Variants in SBF2 observed in about 807,000 individuals in gnomAD.
SBF2 encodes the protein SET binding factor 2, also known as myotubularin-related protein 13.
SBF2 carries 112 observed loss-of-function variants against 225.2 expected under a neutral mutation model. That is an observed-to-expected ratio of 0.50 (90% CI 0.43 to 0.58). The LOEUF (loss-of-function observed/expected upper bound fraction) is 0.58, where lower values mean the gene tolerates loss of function less well. Ranked by LOEUF, SBF2 falls within the 20% of genes least tolerant of loss-of-function variation. SBF2 has a pLI of 0.00. For synonymous variants in SBF2, 763 were observed against 773.3 expected (o/e 0.99, Z 0.22); for missense variants, 1,996 against 2,206.2 (o/e 0.90, Z 1.91).
At chr11:9,850,270 T>C (rs1484183570) in intron 21 of SBF2, 52 bp from the exon 22 acceptor site, 1 of 1,561,484 alleles carries the variant, frequency 6.4e-7, no homozygotes, top group South Asian at 1.1e-5. Context: ...TTGATTGATT[T>C]TTGGAGACAG....
At chr11:10,278,102 C>T (rs1400534901) in intron 1 of SBF2, among the ~76,000 whole-genome samples, 1 of 152,172 alleles carries the variant, frequency 6.6e-6, no homozygotes, top group Non-Finnish European at 1.5e-5. Flanking sequence ...AGTTAACAAT[C>T]TTTTTGTTCC....
intron 2 of SBF2, among the ~76,000 whole-genome samples, chr11:10,137,811 A>C (rs1380893665): frequency 2.0e-5 from 3 of 152,082 alleles, no homozygotes; most frequent in Non-Finnish European, 1.5e-5. Flanking sequence ...GTTCAAGACC[A>C]GTCTAGTCAA....
chr11:10,249,216 G>C (rs1461620823), intron 1 of SBF2, among the ~76,000 whole-genome samples: 3 of 151,498 alleles, frequency 2.0e-5, no homozygotes, highest in African/African-American at 4.8e-5. Flanking sequence ...TTTTCTTAAA[G>C]CACGAATCTG....
chr11:10,117,629 C>T (rs1358683227), intron 2 of SBF2, among the ~76,000 whole-genome samples: 1 of 152,050 alleles, frequency 6.6e-6, no homozygotes, highest in Non-Finnish European at 1.5e-5. Flanking sequence ...TGTAAGTTCA[C>T]ATAAATACAA....
chr11:9,976,904 G>C (rs1171757035), intron 13 of SBF2, among the ~76,000 whole-genome samples: 1 of 151,704 alleles, frequency 6.6e-6, no homozygotes, highest in Non-Finnish European at 1.5e-5. Context: ...CGAGTAGCTG[G>C]GACTACACGC....
intron 1 of SBF2, among the ~76,000 whole-genome samples, chr11:10,287,568 G>A (rs1230421399): frequency 3.9e-5 from 6 of 152,090 alleles, no homozygotes; most frequent in African/African-American, 1.4e-4. Flanking sequence ...GAGCCACAGC[G>A]GCCAGCCCTA....
intron 6 of SBF2, among the ~76,000 whole-genome samples, chr11:10,024,077 G>A (rs1035062497): frequency 1.3e-5 from 2 of 152,016 alleles, no homozygotes; most frequent in African/African-American, 4.8e-5. Flanking sequence ...ACCGAATCAT[G>A]CCGTATATAA....
chr11:9,826,933 G>A (rs960497063), intron 28 of SBF2, among the ~76,000 whole-genome samples: 1 of 152,014 alleles, frequency 6.6e-6, no homozygotes, highest in African/African-American at 2.4e-5. Flanking sequence ...TGCCTCCCGG[G>A]TTCAACTGAT....
intron 16 of SBF2, among the ~76,000 whole-genome samples, chr11:9,898,647 G>A (rs1455917756): frequency 6.6e-6 from 1 of 152,088 alleles, no homozygotes; most frequent in East Asian, 1.9e-4. Context: ...CTCCAGCCTG[G>A]GCAACGGAGT....
chr11:9,840,471 A>C (rs1856054554), intron 25 of SBF2, among the ~76,000 whole-genome samples: 1 of 152,266 alleles, frequency 6.6e-6, no homozygotes. Context: ...ATACCATTTA[A>C]ATAATTTCTA....
intron 1 of SBF2, among the ~76,000 whole-genome samples, chr11:10,270,718 G>C (rs1030846518): frequency 6.6e-6 from 1 of 152,118 alleles, no homozygotes; most frequent in East Asian, 1.9e-4. Context: ...ATGAGGACGG[G>C]CGCGGTGGCT....
At chr11:10,196,866 A>ATATATATATATATATATATATTTTT in intron 1 of SBF2, among the ~76,000 whole-genome samples, 16 of 99,280 alleles carry the variant, frequency 1.6e-4, no homozygotes, top group Non-Finnish European at 2.6e-4. Flanking sequence ...ATATATATAT[A>ATATATATATATATATATATATTTTT]TTTTTTTTTT....
chr11:10,136,198 A>G (rs1761860533), intron 2 of SBF2, among the ~76,000 whole-genome samples: 1 of 152,162 alleles, frequency 6.6e-6, no homozygotes, highest in Non-Finnish European at 1.5e-5. Context: ...ACCTGCCTCC[A>G]TGACTCAATT....
intron 2 of SBF2, among the ~76,000 whole-genome samples, chr11:10,101,420 G>A (rs1376392042): frequency 6.6e-6 from 1 of 151,996 alleles, no homozygotes; most frequent in Admixed American, 6.6e-5. Flanking sequence ...CAGTCTGTTG[G>A]GCAGCATCTT....
intron 2 of SBF2, among the ~76,000 whole-genome samples, chr11:10,119,463 T>C (rs543711916): frequency 4.3e-4 from 66 of 152,192 alleles, no homozygotes; most frequent in Non-Finnish European, 8.2e-4. Flanking sequence ...TTAAGTTAAA[T>C]AAATGTTCAT....
At chr11:10,071,555 C>T (rs540734173) in intron 2 of SBF2, among the ~76,000 whole-genome samples, 10 of 152,156 alleles carry the variant, frequency 6.6e-5, no homozygotes, top group African/African-American at 2.2e-4. Flanking sequence ...TGTGAGCCGC[C>T]GTGCCCGGCC....
At chr11:9,882,620 A>G (rs936997156) in intron 17 of SBF2, among the ~76,000 whole-genome samples, 14 of 152,028 alleles carry the variant, frequency 9.2e-5, no homozygotes, top group East Asian at 1.9e-4. Context: ...CATCCTGGCT[A>G]ACACGGTGAA....
At chr11:9,800,530 C>T (rs1853428143) in intron 32 of SBF2, among the ~76,000 whole-genome samples, 1 of 151,842 alleles carries the variant, frequency 6.6e-6, no homozygotes, top group African/African-American at 2.4e-5. Flanking sequence ...CCTCAGCCTC[C>T]CGAGTAGCTG....
intron 1 of SBF2, among the ~76,000 whole-genome samples, chr11:10,219,530 GTTAC>G (rs1958263616): frequency 6.6e-6 from 1 of 152,164 alleles, no homozygotes; most frequent in South Asian, 2.1e-4. Context: ...TTGGCTCCTC[GTTAC>G]TTACGCAAAT....
Sources: allele counts gnomAD v4.1 joint callset (sites outside exome capture counted in the v4.1 genomes callset), GRCh38; gene constraint gnomAD v4.1.1; transcripts MANE v1.5; gene names NCBI Gene and HGNC (gene_info 2026-07-23, HGNC 2026-07-21).